Variants in KLF12 observed in about 807,000 individuals in gnomAD.
The protein encoded by KLF12 is Krueppel-like factor 12.
A neutral mutation model predicts 37.8 loss-of-function variants in KLF12; 9 were observed. The ratio of observed to expected loss-of-function variants is 0.24; its 90% CI spans 0.14 to 0.42. The LOEUF is 0.42. Among genes scored for constraint, KLF12 ranks in the 10% least tolerant of loss-of-function variants. The pLI is 1.00. For synonymous variants in KLF12, 208 were observed against 202.1 expected (o/e 1.03, Z -0.25); for missense variants, 411 against 516.0 (o/e 0.80, Z 1.97).
rs575342664 is a variant in KLF12, at chr13:73,692,441, T to G, written c.*3049A>C. The stretch of plus-strand genomic sequence containing the variant: ...CTCTATGTGTATAAGTTCCCAACCA[T>G]GCACATATCCCCAGCTGCAAACTGA... On this transcript the variant is annotated 3_prime_UTR_variant, in exon 8 of 8. Transcript: ENST00000377669. 5.2e-4 allele frequency: 79 copies of G among 152,772 alleles called. No homozygotes were observed. The highest frequency in any genetic ancestry group is 3.4e-3 in the Middle Eastern group (1 of 294). The allele number at this position is 152,772 out of a possible 1,614,324, so 9.5% of individuals were successfully genotyped here.
intron 2 of KLF12, among the ~76,000 whole-genome samples, chr13:73,976,073 C>T (rs564141349): frequency 8.6e-5 from 12 of 139,862 alleles, no homozygotes; most frequent in Non-Finnish European, 1.9e-4. Flanking sequence ...CTGGCATGTG[C>T]CTGGCACATA....
At chr13:74,083,399 C>G (rs1222713918) in intron 1 of KLF12, among the ~76,000 whole-genome samples, 2 of 151,834 alleles carry the variant, frequency 1.3e-5, no homozygotes, top group Non-Finnish European at 1.5e-5. Flanking sequence ...CCCCGCTACT[C>G]AACAGGCTGA....
chr13:74,125,252 G>A (rs928771946), intron 1 of KLF12, among the ~76,000 whole-genome samples: 7 of 150,970 alleles, frequency 4.6e-5, no homozygotes, highest in Non-Finnish European at 8.8e-5. Flanking sequence ...TTTATATAAC[G>A]AATCTTTTCC....
intron 1 of KLF12, among the ~76,000 whole-genome samples, chr13:74,107,631 G>A (rs1315532911): frequency 6.6e-6 from 1 of 152,170 alleles, no homozygotes; most frequent in African/African-American, 2.4e-5. Context: ...AGAAATCAGG[G>A]AAAGCCAAGA....
At position 73,849,375 on chromosome 13, in the gene KLF12, T is replaced by TC. The variant is rs1255438161; in HGVS notation, c.124-3003_124-3002insG. Among the ~76,000 whole-genome samples, 8 of 98,962 alleles carry TC rather than the reference T, an allele frequency of 8.1e-5. 1 individual carries two copies. Among genetic ancestry groups the TC allele is most frequent in the Non-Finnish European group, 5.7e-5 (3 of 52,710 alleles). The allele number at this position is 98,962 out of a possible 152,430, so 64.9% of individuals were successfully genotyped here. A position where few individuals can be genotyped will look rare whatever the true frequency, so the allele number is the denominator to read the frequency against. ...GCTTGGGCAACAGAGGGAGACTCCA[T>TC]AAAAAAAAAAAAAAAAAAAAAAAAA... On this transcript the variant is annotated intron_variant, in intron 3 of 7. Transcript: ENST00000377669.
chr13:73,963,171 T>C (rs1204537574), intron 2 of KLF12, among the ~76,000 whole-genome samples: 1 of 152,096 alleles, frequency 6.6e-6, no homozygotes, highest in Non-Finnish European at 1.5e-5. Flanking sequence ...TACAATTAAA[T>C]AAAGCATAGT....
At position 73,689,249 on chromosome 13, in the gene KLF12, G is replaced by T. The variant is rs4883946; in HGVS notation, c.*6241C>A. 124,625 of 152,040 alleles carry T rather than the reference G, an allele frequency of 0.82. 51,258 individuals carry two copies. The highest frequency in any genetic ancestry group is 0.85 in the Non-Finnish European group (57,590 of 68,016). 9.4% of individuals were successfully genotyped at this position (152,040 alleles called of 1,614,324 possible). A position where few individuals can be genotyped will look rare whatever the true frequency, so the allele number is the denominator to read the frequency against. On this transcript the variant is annotated 3_prime_UTR_variant, in exon 8 of 8. Transcript: ENST00000377669. ...TACCCCCTTATCCTGGTACATTTCC[G>T]TCTCCCTTTTCTTCTTTCTAACATT...
chr13:74,253,704 C>T, the KLF12 span, among the ~76,000 whole-genome samples: 6,797 of 152,148 alleles, frequency 0.045, 203 homozygotes, highest in South Asian at 0.077. Flanking sequence ...AATACTTTTT[C>T]GAATTTACCA....
intron 1 of KLF12, among the ~76,000 whole-genome samples, chr13:74,018,601 C>T (rs1004843113): frequency 3.3e-5 from 5 of 152,116 alleles, no homozygotes; most frequent in African/African-American, 1.2e-4. Context: ...AGAATATATA[C>T]ATACATAGGT....
the KLF12 span, among the ~76,000 whole-genome samples, chr13:74,263,777 C>G: frequency 6.6e-6 from 1 of 152,180 alleles, no homozygotes; most frequent in Non-Finnish European, 1.5e-5. Context: ...TATCCCACCA[C>G]CTCAGGTCTG....
At chr13:74,169,136 A>G in the KLF12 span, among the ~76,000 whole-genome samples, 1 of 152,248 alleles carries the variant, frequency 6.6e-6, no homozygotes, top group African/African-American at 2.4e-5. Flanking sequence ...ATTATGGACG[A>G]AAGTATTATT....
intron 1 of KLF12, among the ~76,000 whole-genome samples, chr13:74,100,979 G>T (rs990180377): frequency 1.3e-5 from 2 of 152,126 alleles, no homozygotes; most frequent in South Asian, 4.2e-4. Flanking sequence ...ATCAACCAGG[G>T]AAAATTAATC....
chr13:74,020,653 G>A (rs548767411), intron 1 of KLF12, among the ~76,000 whole-genome samples: 1 of 152,260 alleles, frequency 6.6e-6, no homozygotes, highest in East Asian at 1.9e-4. Flanking sequence ...CACTTTGGGA[G>A]GCCGAGGCGG....
chr13:74,041,334 T>C (rs1305661775), intron 1 of KLF12, among the ~76,000 whole-genome samples: 8 of 152,236 alleles, frequency 5.3e-5, no homozygotes, highest in African/African-American at 1.4e-4. Context: ...GAAGTATTTA[T>C]ATATCAAAAG....
chr13:73,952,730 A>G (rs188665295), intron 2 of KLF12, among the ~76,000 whole-genome samples: 122 of 152,356 alleles, frequency 8.0e-4, no homozygotes, highest in African/African-American at 2.8e-3. Context: ...TGGGCATCAC[A>G]TAACAGGTGG....
chr13:74,227,355 TAAACTCTTGGAGA>T, the KLF12 span, among the ~76,000 whole-genome samples: 3 of 152,298 alleles, frequency 2.0e-5, no homozygotes, highest in South Asian at 6.2e-4. Flanking sequence ...TAATATCACA[TAAACTCTTGGAGA>T]AAAGGCCTGT....
chr13:73,954,612 T>C (rs1890770811), intron 2 of KLF12, among the ~76,000 whole-genome samples: 1 of 152,360 alleles, frequency 6.6e-6, no homozygotes, highest in South Asian at 2.1e-4. Flanking sequence ...TAGACAGTCA[T>C]GTCAGACACC....
intron 1 of KLF12, among the ~76,000 whole-genome samples, chr13:74,124,452 A>C (rs922538133): frequency 6.6e-6 from 1 of 152,238 alleles, no homozygotes; most frequent in Non-Finnish European, 1.5e-5. Context: ...TACAAACTAA[A>C]TATTCCCATT....
intron 2 of KLF12, among the ~76,000 whole-genome samples, chr13:73,977,044 C>A (rs1051594015): frequency 2.7e-5 from 4 of 149,844 alleles, no homozygotes; most frequent in South Asian, 2.1e-4. Flanking sequence ...AATAAGAAGA[C>A]AACATACTTT....
Sources: allele counts gnomAD v4.1 joint callset (sites outside exome capture counted in the v4.1 genomes callset), GRCh38; gene constraint gnomAD v4.1.1; transcripts MANE v1.5; gene names NCBI Gene and HGNC (gene_info 2026-07-23, HGNC 2026-07-21).